The following HIPK2 variants were observed in gnomAD, a reference collection of about 807,000 sequenced individuals.
The protein encoded by HIPK2 is homeodomain-interacting protein kinase 2.
In HIPK2, 27 loss-of-function variants were observed where a neutral mutation model predicts 113.7. The observed-to-expected ratio is 0.24, with a 90% CI of 0.17 to 0.33. The LOEUF is 0.33. HIPK2 is among the 10% of genes least tolerant of loss of function. HIPK2 has a pLI of 1.00. For missense variants in HIPK2, 1,257 were observed against 1,588.0 expected (o/e 0.79, Z 3.54); for synonymous variants, 631 against 642.2 (o/e 0.98, Z 0.26).
At chr7:139,643,801 A>G (rs957541939) in intron 2 of HIPK2, among the ~76,000 whole-genome samples, 22 of 152,234 alleles carry the variant, frequency 1.4e-4, no homozygotes, top group African/African-American at 5.3e-4. Context: ...GGACTCCATG[A>G]TAAGTATTTC....
Position 139,596,839 on chromosome 7 carries a change from G to T in HIPK2, c.2595C>A (p.Ser865Arg), listed in dbSNP as rs1799233855. 6.2e-7 allele frequency: 1 copy of T among 1,613,976 alleles called. No homozygotes were observed. The highest frequency in any genetic ancestry group is 1.3e-5 in the African/African-American group (1 of 75,066). ...VTCGWGDVAS[S>R]TTRERQRQTI... ...TCTGCCGCTGCCGTTCCCGGGTGGTGCTGGAGGCCACGTCGCCCCACCCAC... is the reference window on the plus strand; with the variant it reads ...TCTGCCGCTGCCGTTCCCGGGTGGTTCTGGAGGCCACGTCGCCCCACCCAC... The change falls in exon 12 of 15, where the codon AGC (serine) becomes AGA (arginine). Residue 865 changes from serine (S) to arginine (R), a missense_variant. This residue lies in a region of HIPK2 where 862 missense variants were observed against 1,004.3 expected (regional missense o/e 0.86). Coordinates refer to ENST00000406875, the MANE Select transcript of HIPK2 (RefSeq NM_022740.5).
chr7:139,678,047 G>C (rs899854867), intron 2 of HIPK2, among the ~76,000 whole-genome samples: 2 of 151,922 alleles, frequency 1.3e-5, no homozygotes, highest in Non-Finnish European at 2.9e-5. Flanking sequence ...CATATCCTTC[G>C]GCCACTTTTT....
intron 2 of HIPK2, among the ~76,000 whole-genome samples, chr7:139,672,882 A>G (rs1802353985): frequency 6.6e-6 from 1 of 152,200 alleles, no homozygotes; most frequent in Non-Finnish European, 1.5e-5. Context: ...CTGTATTAAT[A>G]AAGAATTTGC....
chr7:139,729,777 C>G (rs1795715513), intron 1 of HIPK2, among the ~76,000 whole-genome samples: 1 of 152,184 alleles, frequency 6.6e-6, no homozygotes, highest in Admixed American at 6.5e-5. Flanking sequence ...TTTCAAAGAT[C>G]TAGAAGGCTG....
chr7:139,624,278 T>C (rs1800345067), intron 6 of HIPK2, among the ~76,000 whole-genome samples: 1 of 152,096 alleles, frequency 6.6e-6, no homozygotes, highest in African/African-American at 2.4e-5. Flanking sequence ...CCTCCTTGGC[T>C]TCCCAAAGTG....
At chr7:139,772,362 G>A (rs991465487) in intron 1 of HIPK2, among the ~76,000 whole-genome samples, 4 of 152,190 alleles carry the variant, frequency 2.6e-5, no homozygotes, top group African/African-American at 9.7e-5. Flanking sequence ...TATCAGAAAC[G>A]AAAGTCTCTG....
At position 139,562,146 on chromosome 7, in the gene HIPK2, A is replaced by G. The variant is rs894800325; in HGVS notation, c.*10781T>C. The G allele has an allele frequency of 3.3e-5, 5 of 152,236 alleles. No individual in the cohort carries two copies. Among genetic ancestry groups the G allele is most frequent in the African/African-American group, 1.2e-4 (5 of 41,468 alleles). The allele number at this position is 152,236 out of a possible 1,614,324, so 9.4% of individuals were successfully genotyped here. On this transcript the variant is annotated 3_prime_UTR_variant, in exon 15 of 15. Transcript: ENST00000406875. ...CATTTATAAATAAAAAAGAGGGACA[A>G]TTCACATAGGAAAAAGAGGTACACG...
At chr7:139,700,437 C>T (rs1321690852) in intron 2 of HIPK2, among the ~76,000 whole-genome samples, 1 of 152,196 alleles carries the variant, frequency 6.6e-6, no homozygotes, top group Non-Finnish European at 1.5e-5. Context: ...AAGCCCTTTC[C>T]TGCAAATACT....
intron 2 of HIPK2, among the ~76,000 whole-genome samples, chr7:139,661,910 C>T (rs150554021): frequency 3.6e-4 from 55 of 152,300 alleles, no homozygotes; most frequent in Non-Finnish European, 7.2e-4. Context: ...AACTATCTCC[C>T]CCAAAGCCTT....
intron 2 of HIPK2, among the ~76,000 whole-genome samples, chr7:139,670,644 C>T (rs1267844487): frequency 2.6e-5 from 4 of 151,410 alleles, no homozygotes; most frequent in Admixed American, 2.6e-4. Flanking sequence ...TTATTTGATT[C>T]CTGCTGACTG....
chr7:139,646,927 G>A (rs1240468939), intron 2 of HIPK2, among the ~76,000 whole-genome samples: 2 of 152,004 alleles, frequency 1.3e-5, no homozygotes, highest in African/African-American at 2.4e-5. Context: ...CTTCCCCTCC[G>A]CACCTCTGTC....
chr7:139,758,112 T>C (rs1213072244), intron 1 of HIPK2, among the ~76,000 whole-genome samples: 1 of 152,198 alleles, frequency 6.6e-6, no homozygotes, highest in Non-Finnish European at 1.5e-5. Flanking sequence ...CCAATGGAAA[T>C]ACCAACAGGC....
At chr7:139,678,946 G>A (rs1802604307) in intron 2 of HIPK2, among the ~76,000 whole-genome samples, 1 of 152,114 alleles carries the variant, frequency 6.6e-6, no homozygotes, top group Non-Finnish European at 1.5e-5. Context: ...GTTCACTCAT[G>A]ATTTGGCTCT....
intron 7 of HIPK2, among the ~76,000 whole-genome samples, chr7:139,617,522 T>A (rs979134170): frequency 2.6e-5 from 4 of 152,216 alleles, no homozygotes; most frequent in Non-Finnish European, 5.9e-5. Flanking sequence ...TAGGTCCAAA[T>A]AATAGAATTC....
chr7:139,775,706 A>C (rs191579973), intron 1 of HIPK2, among the ~76,000 whole-genome samples: 7 of 152,296 alleles, frequency 4.6e-5, no homozygotes, highest in African/African-American at 1.7e-4. Context: ...ACACACCTGC[A>C]GTTCTTTATC....
chr7:139,597,101 T>A (rs1287205281), intron 11 of HIPK2, 103 bp from the exon 12 acceptor site: 2 of 1,278,346 alleles, frequency 1.6e-6, no homozygotes, highest in Non-Finnish European at 2.1e-6. Flanking sequence ...CAAATCTCTG[T>A]AAAACACGTC....
At chr7:139,724,275 T>C (rs938882856) in intron 1 of HIPK2, among the ~76,000 whole-genome samples, 3 of 152,164 alleles carry the variant, frequency 2.0e-5, no homozygotes, top group Non-Finnish European at 4.4e-5. Flanking sequence ...TTTCCTTCAT[T>C]GACATACTAA....
chr7:139,579,937 C>T (rs1430194107), intron 13 of HIPK2, among the ~76,000 whole-genome samples: 2 of 152,168 alleles, frequency 1.3e-5, no homozygotes, highest in South Asian at 4.1e-4. Context: ...GCTGAACAGA[C>T]CTGCATTTGG....
chr7:139,640,951 G>C (rs980596076), intron 2 of HIPK2, among the ~76,000 whole-genome samples: 1 of 152,086 alleles, frequency 6.6e-6, no homozygotes, highest in Non-Finnish European at 1.5e-5. Flanking sequence ...TTCTGATATG[G>C]AACACTCTGT....
Sources: allele counts gnomAD v4.1 joint callset (sites outside exome capture counted in the v4.1 genomes callset), GRCh38; gene constraint gnomAD v4.1.1; regional missense constraint gnomAD v4.1.1; transcripts MANE v1.5; gene names NCBI Gene and HGNC (gene_info 2026-07-23, HGNC 2026-07-21).